ZNG1F: variants seen among roughly 807,000 people sequenced by gnomAD.
ZNG1F encodes the protein zinc-regulated GTPase metalloprotein activator 1F.
At chr9:41,144,750 G>C in the ZNG1F span, among the ~76,000 whole-genome samples, 1 of 144,486 alleles carries the variant, frequency 6.9e-6, no homozygotes, top group African/African-American at 2.6e-5. Context: ...CAGAAACGCA[G>C]GTACAGTAAA....
the ZNG1F span, among the ~76,000 whole-genome samples, chr9:41,154,763 C>A: frequency 6.6e-5 from 10 of 150,386 alleles, no homozygotes; most frequent in East Asian, 3.9e-4. Flanking sequence ...GAAAGATTCC[C>A]TATTTAATAA....
the ZNG1F span, among the ~76,000 whole-genome samples, chr9:41,195,617 A>G: frequency 7.0e-6 from 1 of 142,914 alleles, no homozygotes; most frequent in African/African-American, 2.5e-5. Flanking sequence ...AAAAAAGAAA[A>G]CACCATTCAA....
At chr9:41,204,388 T>TTATA in the ZNG1F span, among the ~76,000 whole-genome samples, 3 of 20,226 alleles carry the variant, frequency 1.5e-4, no homozygotes, top group African/African-American at 3.7e-4. Context: ...AATTTTTATT[T>TTATA]TATATATATA....
At chr9:41,145,440 C>G in the ZNG1F span, 1 of 374,646 alleles carries the variant, frequency 2.7e-6, no homozygotes, top group South Asian at 2.5e-5. Context: ...ACTGACTATT[C>G]TAATATTCTG....
the ZNG1F span, among the ~76,000 whole-genome samples, chr9:41,150,244 C>T: frequency 6.7e-6 from 1 of 148,202 alleles, no homozygotes; most frequent in Non-Finnish European, 1.5e-5. Context: ...CACTCCCACC[C>T]GAATACTGCG....
the ZNG1F span, among the ~76,000 whole-genome samples, chr9:41,178,994 G>T: frequency 1.9e-5 from 2 of 104,690 alleles, no homozygotes. Flanking sequence ...CTTGTTAGAG[G>T]CTAAAGCAGC....
the ZNG1F span, chr9:41,164,846 A>G: frequency 3.9e-6 from 2 of 510,416 alleles, no homozygotes; most frequent in Non-Finnish European, 7.0e-6. Context: ...TACCATTTAT[A>G]TAACAATTAG....
chr9:41,185,581 G>T, the ZNG1F span, among the ~76,000 whole-genome samples: 1 of 150,958 alleles, frequency 6.6e-6, no homozygotes, highest in Non-Finnish European at 1.5e-5. Flanking sequence ...GCTGAGGCAG[G>T]AGAATCACTT....
chr9:41,135,737 A>T, the ZNG1F span, among the ~76,000 whole-genome samples: 1 of 109,968 alleles, frequency 9.1e-6, no homozygotes, highest in Non-Finnish European at 1.8e-5. Flanking sequence ...GATTCTGGAT[A>T]TTTGTTCTTT....
chr9:41,176,414 GAGA>G, the ZNG1F span: 9 of 136,306 alleles, frequency 6.6e-5, no homozygotes, highest in East Asian at 6.8e-4. Context: ...CTTTGGGAAG[GAGA>G]AGGTCAGGTC....
chr9:41,132,256 A>G, the ZNG1F span: 4 of 1,604,102 alleles, frequency 2.5e-6, 1 homozygote, highest in Admixed American at 6.8e-5. Context: ...TTGTTCTCTC[A>G]GTGTCATCCT....
At chr9:41,185,645 C>T in the ZNG1F span, among the ~76,000 whole-genome samples, 12 of 151,866 alleles carry the variant, frequency 7.9e-5, no homozygotes, top group Non-Finnish European at 1.6e-4. Context: ...TGCACTCCAG[C>T]CTGGCAACAG....
chr9:41,184,131 C>T, the ZNG1F span, among the ~76,000 whole-genome samples: 1 of 151,060 alleles, frequency 6.6e-6, no homozygotes, highest in African/African-American at 2.4e-5. Flanking sequence ...GAGTAAAAAC[C>T]CTAGTTCATC....
the ZNG1F span, among the ~76,000 whole-genome samples, chr9:41,152,374 G>T: frequency 1.3e-5 from 2 of 149,624 alleles, no homozygotes; most frequent in Non-Finnish European, 3.0e-5. Context: ...GACCTACAAA[G>T]AGACTTAGAC....
chr9:41,183,705 T>A, the ZNG1F span: 32 of 1,606,102 alleles, frequency 2.0e-5, 4 homozygotes, highest in African/African-American at 4.3e-4. Flanking sequence ...CTTTAGCTTA[T>A]GTCCATTAGC....
chr9:41,132,149 T>C, the ZNG1F span: 3 of 1,542,740 alleles, frequency 1.9e-6, no homozygotes, highest in Middle Eastern at 2.4e-4. Flanking sequence ...GAATGGTTAA[T>C]CTGTTTAAGT....
the ZNG1F span, among the ~76,000 whole-genome samples, chr9:41,201,265 A>C: frequency 7.6e-6 from 1 of 132,064 alleles, no homozygotes; most frequent in Non-Finnish European, 1.6e-5. Context: ...TATGCTATAC[A>C]TATATATATA....
chr9:41,193,764 G>A, the ZNG1F span, among the ~76,000 whole-genome samples: 21,285 of 150,114 alleles, frequency 0.14, 123 homozygotes, highest in South Asian at 0.23. Context: ...GCTGGGTGTG[G>A]TGGCACACGC....
At chr9:41,155,093 G>A in the ZNG1F span, among the ~76,000 whole-genome samples, 25 of 150,772 alleles carry the variant, frequency 1.7e-4, no homozygotes, top group Admixed American at 9.3e-4. Flanking sequence ...GAAAATTTTC[G>A]CAACCTACTC....
Sources: gnomAD v4.1 joint callset for allele counts (sites outside exome capture counted in the v4.1 genomes callset) on GRCh38, gnomAD v4.1.1 for gene constraint, MANE v1.5 for transcripts, NCBI Gene and HGNC (gene_info 2026-07-23, HGNC 2026-07-21) for gene names.